PARG: variants seen among roughly 807,000 people sequenced by gnomAD.
PARG encodes mitochondrial poly(ADP-ribose) glycohydrolase.
Under a neutral mutation model 113.0 loss-of-function variants are expected in PARG, and 35 were observed. That is an observed-to-expected ratio of 0.31 (90% CI 0.24 to 0.41). The LOEUF (loss-of-function observed/expected upper bound fraction) is 0.41. Ranked by LOEUF, PARG falls within the 10% of genes least tolerant of loss-of-function variation. The pLI, the probability that PARG is intolerant of heterozygous loss-of-function variation, is 1.00. For synonymous variants in PARG, 330 were observed against 409.9 expected, an observed-to-expected ratio of 0.81 and a Z score of 2.36; for missense variants, 797 against 1,169.4, an observed-to-expected ratio of 0.68 and a Z score of 4.64.
intron 15 of PARG, among the ~76,000 whole-genome samples, chr10:49,839,639 T>A (rs1246235083): frequency 2.0e-5 from 3 of 152,242 alleles, no homozygotes; most frequent in African/African-American, 7.2e-5. Context: ...CACAAGTAAG[T>A]GCAGAGAGAA....
chr10:49,920,463 A>AAAATATAT (rs1431747248), intron 6 of PARG, among the ~76,000 whole-genome samples: 6 of 47,980 alleles, frequency 1.3e-4, no homozygotes, highest in East Asian at 9.8e-4. Context: ...AAAAAAAAAA[A>AAAATATAT]ATATATATAT....
At chr10:49,926,709 A>T (rs139757226) in intron 4 of PARG, among the ~76,000 whole-genome samples, 279 of 152,326 alleles carry the variant, frequency 1.8e-3, no homozygotes, top group African/African-American at 6.5e-3. Context: ...GAATCTCCGA[A>T]TCCTGCAACC....
chr10:49,941,618 C>G lies in PARG; in HGVS notation c.108G>C (p.Arg36Ser). The change falls in exon 1 of 18, where the codon AGG (arginine) becomes AGC (serine). Residue 36 changes from arginine (R) to serine (S), a missense_variant. By Grantham distance (110) the Arg-to-Ser change is moderately radical. Around this residue, in one of 5 missense-constraint regions of PARG, gnomAD observed 284 missense variants for 306.1 expected, o/e 0.93. Coordinates refer to ENST00000616448, the MANE Select transcript of PARG (RefSeq NM_003631.5). ...SDARSFPSRQ[R>S]RVLDPKDAHV... ...GAGCGTCCTTGGGGTCGAGGACGCGCCTCTGCCTGCTGGGAAAGCTCCGGG... is the reference window on the plus strand; with the variant it reads ...GAGCGTCCTTGGGGTCGAGGACGCGGCTCTGCCTGCTGGGAAAGCTCCGGG... 1 of 1,589,698 alleles carries G rather than the reference C, an allele frequency of 6.3e-7. No individual in the cohort carries two copies. The highest frequency in any genetic ancestry group is 1.2e-5 in the South Asian group (1 of 86,354).
chr10:49,821,918 T>C (rs1844108268), intron 16 of PARG, among the ~76,000 whole-genome samples: 1 of 152,140 alleles, frequency 6.6e-6, no homozygotes, highest in Non-Finnish European at 1.5e-5. Flanking sequence ...ATATGACTTA[T>C]ATAAGTCCAT....
chr10:49,827,459 G>A (rs192919521), intron 16 of PARG, among the ~76,000 whole-genome samples: 2 of 152,240 alleles, frequency 1.3e-5, no homozygotes, highest in Admixed American at 6.5e-5. Context: ...TACAGTCACG[G>A]GTTCTTAGTT....
intron 7 of PARG, among the ~76,000 whole-genome samples, chr10:49,900,165 C>T (rs1848288403): frequency 6.6e-6 from 1 of 150,854 alleles, no homozygotes; most frequent in African/African-American, 2.4e-5. Context: ...CAGCTCTTAT[C>T]AGCTAGTGCA....
intron 6 of PARG, among the ~76,000 whole-genome samples, chr10:49,917,488 C>CAAAAAAAAAAAAAAAAAAA (rs71026277): frequency 4.2e-5 from 2 of 47,630 alleles, no homozygotes; most frequent in Non-Finnish European, 8.9e-5. Flanking sequence ...GACTCCGTCT[C>CAAAAAAAAAAAAAAAAAAA]AAAAAAAAAA....
chr10:49,918,165 A>G (rs1200414923), intron 6 of PARG, among the ~76,000 whole-genome samples: 4 of 152,248 alleles, frequency 2.6e-5, no homozygotes, highest in Non-Finnish European at 5.9e-5. Context: ...TTTGGGGATG[A>G]TACAAACATT....
At chr10:49,900,273 G>A (rs1388528501) in intron 7 of PARG, among the ~76,000 whole-genome samples, 1 of 151,886 alleles carries the variant, frequency 6.6e-6, no homozygotes, top group Non-Finnish European at 1.5e-5. Flanking sequence ...TGTTTCTAGT[G>A]ACAGAACTCT....
chr10:49,925,899 G>A (rs1838132521), intron 4 of PARG, among the ~76,000 whole-genome samples: 1 of 152,250 alleles, frequency 6.6e-6, no homozygotes, highest in Non-Finnish European at 1.5e-5. Flanking sequence ...TGCCTCCTTG[G>A]CCAGTCGCCA....
In PARG at chr10:49,842,929, C is replaced by A. The variant is rs141709931; in HGVS notation, c.2432+625G>T. The stretch of plus-strand genomic sequence containing the variant: ...GCACGTGGGCAAGAGCTGATTCTTT[C>A]TGCCACAATGGTTTTCTCATCAAAT... On this transcript the variant is annotated intron_variant, in intron 14 of 17. Coordinates refer to ENST00000616448, the MANE Select transcript of PARG (RefSeq NM_003631.5). Among the ~76,000 whole-genome samples, 334 of 152,296 alleles carry A rather than the reference C, an allele frequency of 2.2e-3. 2 individuals are homozygous for A. The highest frequency in any genetic ancestry group is 7.8e-3 in the African/African-American group (323 of 41,570).
intron 7 of PARG, among the ~76,000 whole-genome samples, chr10:49,910,894 C>T (rs1218783429): frequency 5.9e-5 from 9 of 151,960 alleles, no homozygotes; most frequent in South Asian, 2.1e-4. Context: ...CTTAAAAATA[C>T]GTCCCCCATG....
At chr10:49,939,322 G>C (rs1838902030) in intron 1 of PARG, among the ~76,000 whole-genome samples, 1 of 152,112 alleles carries the variant, frequency 6.6e-6, no homozygotes, top group African/African-American at 2.4e-5. Flanking sequence ...CTACAGCCTT[G>C]ACTATCCAGT....
intron 13 of PARG, among the ~76,000 whole-genome samples, chr10:49,845,271 A>G (rs753287926): frequency 6.6e-6 from 1 of 152,238 alleles, no homozygotes; most frequent in Non-Finnish European, 1.5e-5. Context: ...CTAGATATCT[A>G]CTAAACAAAT....
intron 15 of PARG, among the ~76,000 whole-genome samples, chr10:49,835,545 T>C: frequency 6.6e-6 from 1 of 151,662 alleles, no homozygotes; most frequent in Non-Finnish European, 1.5e-5. Flanking sequence ...AAGGGGTGTA[T>C]TGAGAAGAAA....
In PARG at chr10:49,941,506, T is replaced by A; in HGVS notation, c.217+3A>T. The A allele has an allele frequency of 6.5e-7, 1 of 1,545,994 alleles. No individual in the cohort carries two copies. Among genetic ancestry groups the A allele is most frequent in the Non-Finnish European group, 8.8e-7 (1 of 1,142,144 alleles). On this transcript the variant is annotated splice_donor_region_variant and intron_variant, in intron 1 of 17. Transcript: ENST00000616448. ...GGACAAAGATTTTTATTTTCCCACG[T>A]ACCAAGCGAGGTGGCGCTGCCTCTG...
chr10:49,917,615 G>A (rs1247428983), intron 6 of PARG, among the ~76,000 whole-genome samples: 1 of 151,754 alleles, frequency 6.6e-6, no homozygotes, highest in Non-Finnish European at 1.5e-5. Context: ...GAGTCCAGGA[G>A]TTCGAGACTA....
chr10:49,903,569 G>A (rs1190598326), intron 7 of PARG, among the ~76,000 whole-genome samples: 1 of 152,084 alleles, frequency 6.6e-6, no homozygotes, highest in South Asian at 2.1e-4. Flanking sequence ...ACATTTCGTG[G>A]CTATATGATG....
intron 6 of PARG, 51 bp downstream of exon 6, chr10:49,922,285 A>C: frequency 6.4e-7 from 1 of 1,551,702 alleles, no homozygotes; most frequent in East Asian, 2.4e-5. Flanking sequence ...AAGTCTTTGA[A>C]AGAGGAGACA....
Sources: allele counts gnomAD v4.1 joint callset (sites outside exome capture counted in the v4.1 genomes callset), GRCh38; gene constraint gnomAD v4.1.1; regional missense constraint gnomAD v4.1.1; transcripts MANE v1.5; gene names NCBI Gene and HGNC (gene_info 2026-07-23, HGNC 2026-07-21).